Variants in RNF43 observed in about 807,000 individuals in gnomAD.
RNF43 encodes ring finger protein 43, also known as E3 ubiquitin-protein ligase RNF43.
A neutral mutation model predicts 78.4 loss-of-function variants in RNF43; 37 were observed. The observed-to-expected ratio is 0.47, with a 90% CI of 0.36 to 0.62. The LOEUF (loss-of-function observed/expected upper bound fraction) is 0.62, where lower values mean the gene tolerates loss of function less well. Among genes scored for constraint, RNF43 ranks in the 20% least tolerant of loss-of-function variants. The pLI is 0.00. For synonymous variants in RNF43, 347 were observed against 395.0 expected (o/e 0.88, Z 1.44); for missense variants, 774 against 1,007.9 (o/e 0.77, Z 3.14).
At position 58,415,505 on chromosome 17, in the gene RNF43, A is replaced by T. The variant is rs762590899; in HGVS notation, c.73T>A (p.Phe25Ile). ...GCCAGTACCAGTCCTGTGCGTCCAA[A>T]GCCTGCCTGCAGGGTAGCCATCAGC... ...WLLMATLQAG[F>I]GRTGLVLAAA... Residue 25 changes from phenylalanine (F) to isoleucine (I), a missense_variant, in exon 2 of 10, where the codon TTT (phenylalanine) becomes ATT (isoleucine). Physicochemically the swap from Phe to Ile is conservative, Grantham distance 21. Coordinates refer to ENST00000407977, the MANE Select transcript of RNF43 (RefSeq NM_017763.6). 1 of 1,612,964 alleles carries T rather than the reference A, an allele frequency of 6.2e-7. No individual in the cohort carries two copies. The highest frequency in any genetic ancestry group is 8.5e-7 in the Non-Finnish European group (1 of 1,180,030).
intron 2 of RNF43, among the ~76,000 whole-genome samples, chr17:58,397,417 T>C (rs1368338802): frequency 1.3e-5 from 2 of 152,170 alleles, no homozygotes; most frequent in Admixed American, 6.5e-5. Context: ...TCCCAGCACT[T>C]TGGGAGGCTG....
intron 2 of RNF43, among the ~76,000 whole-genome samples, chr17:58,384,068 T>A (rs925111527): frequency 5.9e-5 from 9 of 152,250 alleles, no homozygotes; most frequent in Non-Finnish European, 1.5e-5. Flanking sequence ...CAGTTGTATG[T>A]TCAAATATTC....
rs1248992376 is a variant in RNF43 at position 58,354,818 on chromosome 17, AG to A, written c.*124del. ...TCACCAGTCCTCTTCCAGTGCTTCT[AG>A]GAAGTACGGCAAAAAGAATGGTGTT... On this transcript the variant is annotated 3_prime_UTR_variant, in exon 10 of 10. Transcript: ENST00000407977. The A allele has an allele frequency of 5.7e-6, 5 of 879,022 alleles. No homozygotes were observed. In the African/African-American group the frequency reaches 6.6e-5, roughly 12 times the overall value. The allele number at this position is 879,022 out of a possible 1,614,324, so 54.5% of individuals were successfully genotyped here. A position where few individuals can be genotyped will look rare whatever the true frequency, so the allele number is the denominator to read the frequency against.
At chr17:58,367,726 G>GGT in intron 3 of RNF43, among the ~76,000 whole-genome samples, 1 of 152,292 alleles carries the variant, frequency 6.6e-6, no homozygotes, top group South Asian at 2.1e-4. Context: ...GGGATAGTGG[G>GGT]GTGGTGACAA....
intron 3 of RNF43, among the ~76,000 whole-genome samples, chr17:58,365,297 C>CA (rs964130080): frequency 6.6e-6 from 1 of 152,156 alleles, no homozygotes; most frequent in African/African-American, 2.4e-5. Context: ...GGGATTTGGC[C>CA]AAGGACAGGA....
intron 2 of RNF43, among the ~76,000 whole-genome samples, chr17:58,380,426 A>G (rs568105556): frequency 5.3e-5 from 8 of 152,318 alleles, no homozygotes; most frequent in African/African-American, 1.9e-4. Flanking sequence ...TAGTTAACTG[A>G]ACTCTCACAC....
At chr17:58,393,422 CTT>C (rs1973602092) in intron 2 of RNF43, among the ~76,000 whole-genome samples, 1 of 152,018 alleles carries the variant, frequency 6.6e-6, no homozygotes, top group Non-Finnish European at 1.5e-5. Flanking sequence ...AAAAAATTCT[CTT>C]ATGATTTTCT....
intron 2 of RNF43, among the ~76,000 whole-genome samples, chr17:58,414,598 T>C (rs1400358899): frequency 6.6e-6 from 1 of 152,242 alleles, no homozygotes; most frequent in African/African-American, 2.4e-5. Context: ...ACATAAAGAA[T>C]AGGCCATGTA....
intron 2 of RNF43, among the ~76,000 whole-genome samples, chr17:58,383,658 C>G (rs1973369486): frequency 6.6e-6 from 1 of 152,010 alleles, no homozygotes; most frequent in African/African-American, 2.4e-5. Context: ...TTTTCTGTTG[C>G]CCAGGCTGGA....
intron 2 of RNF43, among the ~76,000 whole-genome samples, chr17:58,379,691 A>C (rs958473864): frequency 3.3e-5 from 5 of 152,202 alleles, no homozygotes; most frequent in African/African-American, 4.8e-5. Flanking sequence ...GGTGATTCAC[A>C]GGTCAGGAGT....
intron 2 of RNF43, among the ~76,000 whole-genome samples, chr17:58,405,748 A>AAGAG (rs1392190976): frequency 5.3e-5 from 8 of 151,530 alleles, no homozygotes; most frequent in Non-Finnish European, 1.2e-4. Context: ...GAAAGAAAGA[A>AAGAG]AGAAAGAAAG....
chr17:58,397,634 G>T (rs1973710826), intron 2 of RNF43, among the ~76,000 whole-genome samples: 2 of 150,698 alleles, frequency 1.3e-5, no homozygotes, highest in African/African-American at 4.9e-5. Context: ...TTGCATTCCA[G>T]CCTGGGTGAC....
chr17:58,382,396 A>C (rs183226557), intron 2 of RNF43, among the ~76,000 whole-genome samples: 55 of 152,344 alleles, frequency 3.6e-4, no homozygotes, highest in African/African-American at 1.3e-3. Flanking sequence ...CTGTCATTTT[A>C]TCAGGATATG....
intron 3 of RNF43, among the ~76,000 whole-genome samples, chr17:58,368,166 A>G (rs979307420): frequency 6.6e-5 from 10 of 152,250 alleles, no homozygotes; most frequent in Non-Finnish European, 1.3e-4. Flanking sequence ...AGCAGAGAGC[A>G]GAGCTGCAGG....
At position 58,396,927 on chromosome 17, in the gene RNF43, C is replaced by A. The variant is rs149551936; in HGVS notation, c.252+18399G>T. On this transcript the variant is annotated intron_variant, in intron 2 of 9. Coordinates refer to ENST00000407977, the MANE Select transcript of RNF43 (RefSeq NM_017763.6). Reference sequence around the variant, plus strand: ...CTCTGTCACTGGTTGGTATGACATACACAATCTTCAACTTCAATTTCCTTC... The same window carrying A: ...CTCTGTCACTGGTTGGTATGACATAAACAATCTTCAACTTCAATTTCCTTC... Among the ~76,000 whole-genome samples the A allele has an allele frequency of 2.6e-5, 4 of 152,136 alleles. No individual in the cohort carries two copies. In the East Asian group the frequency reaches 7.7e-4, roughly 29 times the overall value.
At chr17:58,387,159 C>G (rs1973455942) in intron 2 of RNF43, among the ~76,000 whole-genome samples, 1 of 152,140 alleles carries the variant, frequency 6.6e-6, no homozygotes, top group South Asian at 2.1e-4. Context: ...GGAGGGATAT[C>G]AGAATTTCAA....
At chr17:58,391,004 C>A (rs1444900127) in intron 2 of RNF43, among the ~76,000 whole-genome samples, 4 of 152,198 alleles carry the variant, frequency 2.6e-5, no homozygotes, top group Non-Finnish European at 4.4e-5. Context: ...TCTACAGTAT[C>A]TGAAGGGCTC....
intron 2 of RNF43, among the ~76,000 whole-genome samples, chr17:58,406,045 A>G (rs1973906612): frequency 6.6e-6 from 1 of 152,226 alleles, no homozygotes; most frequent in Non-Finnish European, 1.5e-5. Context: ...GAGAAGATCC[A>G]GGACTACAGA....
intron 2 of RNF43, among the ~76,000 whole-genome samples, chr17:58,397,244 C>A (rs1034861859): frequency 4.3e-4 from 65 of 152,082 alleles, no homozygotes; most frequent in African/African-American, 1.6e-3. Context: ...TGAAACACAG[C>A]AATCCCACAA....
Sources: gnomAD v4.1 joint callset for allele counts (sites outside exome capture counted in the v4.1 genomes callset) on GRCh38, gnomAD v4.1.1 for gene constraint, MANE v1.5 for transcripts, NCBI Gene and HGNC (gene_info 2026-07-23, HGNC 2026-07-21) for gene names.